Variants in AGBL3 observed in about 807,000 individuals in gnomAD.
The protein encoded by AGBL3 is cytosolic carboxypeptidase 3.
A neutral mutation model predicts 94.5 loss-of-function variants in AGBL3; 68 were observed. That is an observed-to-expected ratio of 0.72 (90% CI 0.59 to 0.88). The LOEUF is 0.88. AGBL3 is among the 40% of genes least tolerant of loss of function. The probability of loss-of-function intolerance (pLI) is 0.00; values close to 1 mark genes in which losing one functional copy is unlikely to be tolerated. For synonymous variants in AGBL3, 354 were observed against 370.7 expected (o/e 0.95, Z 0.52); for missense variants, 934 against 1,103.8 (o/e 0.85, Z 2.18).
rs189628541 is a variant in AGBL3, at chr7:135,053,728, C to G, written c.1842-5441C>G. 4.6e-5 allele frequency among the ~76,000 whole-genome samples: 7 copies of G among 152,236 alleles called. 1 individual carries two copies. The highest frequency in any genetic ancestry group is 1.3e-4 in the Admixed American group (2 of 15,286). Reference sequence around the variant, plus strand: ...GTGACAAAGATTTAGTTAAATTATTCCTGAGACCTAAAAAATGATAAGATT... The same window carrying G: ...GTGACAAAGATTTAGTTAAATTATTGCTGAGACCTAAAAAATGATAAGATT... On this transcript the variant is annotated intron_variant, in intron 11 of 16. Transcript: ENST00000436302.
In AGBL3 at chr7:135,037,140, G is replaced by A. The variant is rs142087605; in HGVS notation, c.1338-278G>A. 7.1e-3 allele frequency among the ~76,000 whole-genome samples: 1,079 copies of A among 152,206 alleles called. 15 individuals are homozygous for A. Among genetic ancestry groups the A allele is most frequent in the African/African-American group, 0.025 (1,026 of 41,532 alleles). Reference sequence around the variant, plus strand: ...TCGCCACATTGGCCAGGCTGGTCTCGAACCCCTGACCTCAGGCAAGCCACC... The same window carrying A: ...TCGCCACATTGGCCAGGCTGGTCTCAAACCCCTGACCTCAGGCAAGCCACC... On this transcript the variant is annotated intron_variant, in intron 7 of 16. Coordinates refer to ENST00000436302, the MANE Select transcript of AGBL3 (RefSeq NM_178563.4).
At chr7:135,092,601 A>G (rs1327079120) in intron 15 of AGBL3, 1 of 152,220 alleles carries the variant, frequency 6.6e-6, no homozygotes, top group Non-Finnish European at 1.5e-5. Context: ...GTAAATAGAC[A>G]TAGTAATATG....
At chr7:135,131,488 A>G (rs972289277) in intron 16 of AGBL3, among the ~76,000 whole-genome samples, 3 of 152,124 alleles carry the variant, frequency 2.0e-5, no homozygotes, top group Non-Finnish European at 4.4e-5. Context: ...GGAAGTAAAA[A>G]TATGTATTTA....
At chr7:135,045,333 A>C (rs1817254935) in intron 9 of AGBL3, 141 bp from the exon 10 acceptor site, 4 of 661,664 alleles carry the variant, frequency 6.0e-6, no homozygotes, top group Non-Finnish European at 1.0e-5. Context: ...TGAGATGTTA[A>C]ATGACCTGTC....
At chr7:135,072,771 G>A (rs1203749919) in intron 12 of AGBL3, among the ~76,000 whole-genome samples, 4 of 140,176 alleles carry the variant, frequency 2.9e-5, no homozygotes, top group African/African-American at 5.3e-5. Context: ...TTGTGGAGTG[G>A]GGGAGGGGGG....
intron 6 of AGBL3, among the ~76,000 whole-genome samples, chr7:135,033,242 T>C (rs868350467): frequency 6.6e-6 from 1 of 152,196 alleles, no homozygotes; most frequent in Non-Finnish European, 1.5e-5. Flanking sequence ...ACACACACAG[T>C]GCTTCTCAAA....
intron 4 of AGBL3, among the ~76,000 whole-genome samples, chr7:135,015,200 T>G (rs1484666082): frequency 6.6e-6 from 1 of 152,238 alleles, no homozygotes; most frequent in African/African-American, 2.4e-5. Flanking sequence ...TCAGAAAATC[T>G]TGAAATGCTT....
At chr7:135,019,510 T>G (rs73153718) in intron 5 of AGBL3, among the ~76,000 whole-genome samples, 10,458 of 152,066 alleles carry the variant, frequency 0.069, 432 homozygotes, top group East Asian at 0.19. Flanking sequence ...CATTTTTTTG[T>G]GAATGGTTTG....
At chr7:135,109,209 C>G (rs1433768408) in intron 15 of AGBL3, among the ~76,000 whole-genome samples, 4 of 152,192 alleles carry the variant, frequency 2.6e-5, no homozygotes, top group Non-Finnish European at 5.9e-5. Flanking sequence ...AGGTTAAGAA[C>G]CCTGGTTGGA....
In AGBL3 at chr7:134,987,896, G is replaced by A. The variant is rs896733140; in HGVS notation, c.-38G>A. On this transcript the variant is annotated 5_prime_UTR_variant, in exon 2 of 17. Coordinates refer to ENST00000436302, the MANE Select transcript of AGBL3 (RefSeq NM_178563.4). ...TTAGAAATTGTTTTACAGCCTACCC[G>A]TATATTACAAGAAATCTCAAGTCAA... The A allele has an allele frequency of 6.8e-6, 10 of 1,474,410 alleles. No individual in the cohort carries two copies. Among genetic ancestry groups the A allele is most frequent in the African/African-American group, 5.6e-5 (4 of 71,134 alleles). The allele number at this position is 1,474,410 out of a possible 1,614,324, so 91.3% of individuals were successfully genotyped here. A position where few individuals can be genotyped will look rare whatever the true frequency, so the allele number is the denominator to read the frequency against.
chr7:135,064,505 G>T (rs1819110639), intron 12 of AGBL3, among the ~76,000 whole-genome samples: 3 of 152,130 alleles, frequency 2.0e-5, no homozygotes, highest in Non-Finnish European at 1.5e-5. Context: ...ACCAATTAGG[G>T]GGCTCTTATA....
At chr7:135,003,764 C>T (rs1031422097) in intron 4 of AGBL3, among the ~76,000 whole-genome samples, 1 of 150,896 alleles carries the variant, frequency 6.6e-6, no homozygotes, top group African/African-American at 2.4e-5. Flanking sequence ...AGAATATTTA[C>T]TATTTTATAT....
chr7:135,009,989 A>G, intron 4 of AGBL3: 1 of 404,730 alleles, frequency 2.5e-6, no homozygotes, highest in South Asian at 1.7e-5. Context: ...GCAGTTTGTT[A>G]TTTTATTTTT....
intron 4 of AGBL3, among the ~76,000 whole-genome samples, chr7:134,999,639 T>C (rs1170349386): frequency 6.6e-6 from 1 of 152,242 alleles, no homozygotes; most frequent in Non-Finnish European, 1.5e-5. Flanking sequence ...CTAAATTCCA[T>C]GGTGATTTCC....
chr7:135,108,645 C>T (rs1220866404), intron 15 of AGBL3, among the ~76,000 whole-genome samples: 5 of 152,074 alleles, frequency 3.3e-5, no homozygotes, highest in Admixed American at 3.3e-4. Context: ...TTCATTTCTA[C>T]CTTGGAAAAT....
intron 15 of AGBL3, among the ~76,000 whole-genome samples, chr7:135,098,195 G>A (rs887869250): frequency 6.6e-6 from 1 of 152,142 alleles, no homozygotes. Context: ...TTGCTAATAA[G>A]TAAAGTCTAA....
intron 4 of AGBL3, among the ~76,000 whole-genome samples, chr7:135,009,616 G>A (rs541240690): frequency 6.6e-6 from 1 of 152,162 alleles, no homozygotes; most frequent in East Asian, 1.9e-4. Flanking sequence ...GTGGAGTTTG[G>A]CAGAGGCTGC....
At position 135,075,424 on chromosome 7, in the gene AGBL3, T is replaced by C. The variant is rs547132980; in HGVS notation, c.1909-973T>C. Among the ~76,000 whole-genome samples the C allele has an allele frequency of 4.6e-5, 7 of 152,344 alleles. No homozygotes were observed. The South Asian group carries it at 1.4e-3, about 32-fold the overall frequency. On this transcript the variant is annotated intron_variant, in intron 12 of 16. Coordinates refer to ENST00000436302, the MANE Select transcript of AGBL3 (RefSeq NM_178563.4). ...TGCATACATCCATAGTTTCTTCCTT[T>C]TTATTTCTGTGCAGTATTCCGTGAT... is the stretch of plus-strand genomic sequence containing the variant.
rs186910379 is a variant in AGBL3 at position 135,080,968 on chromosome 7, C to T, written c.2038+708C>T. Among the ~76,000 whole-genome samples, 394 of 150,118 alleles carry T rather than the reference C, an allele frequency of 2.6e-3. 1 individual carries two copies. The highest frequency in any genetic ancestry group is 8.9e-3 in the African/African-American group (366 of 41,040). On this transcript the variant is annotated intron_variant, in intron 14 of 16. Coordinates refer to ENST00000436302, the MANE Select transcript of AGBL3 (RefSeq NM_178563.4). ...CACACACACACACACACTCATATAT[C>T]CATTTAGTTTATGATGTAGCAAAAT...
Sources: gnomAD v4.1 joint callset for allele counts (sites outside exome capture counted in the v4.1 genomes callset) on GRCh38, gnomAD v4.1.1 for gene constraint, MANE v1.5 for transcripts, NCBI Gene and HGNC (gene_info 2026-07-23, HGNC 2026-07-21) for gene names.